VWF: variants seen among roughly 807,000 people sequenced by gnomAD.
VWF encodes Factor VIII related antigen.
Under a neutral mutation model 308.6 loss-of-function variants are expected in VWF, and 176 were observed. That is an observed-to-expected ratio of 0.57 (90% CI 0.50 to 0.65). VWF has a LOEUF of 0.65. Ranked by LOEUF, VWF falls within the 30% of genes least tolerant of loss-of-function variation. The pLI, the probability that VWF is intolerant of heterozygous loss-of-function variation, is 0.00. For synonymous variants in VWF, 1,385 were observed against 1,443.4 expected, an observed-to-expected ratio of 0.96 and a Z score of 0.92; for missense variants, 3,146 against 3,648.2, an observed-to-expected ratio of 0.86 and a Z score of 3.55.
At chr12:6,113,062 A>G (rs1192581079) in intron 3 of VWF, among the ~76,000 whole-genome samples, 1 of 152,184 alleles carries the variant, frequency 6.6e-6, no homozygotes, top group Non-Finnish European at 1.5e-5. Context: ...GACCACTCAC[A>G]GTCCATAAAC....
intron 17 of VWF, among the ~76,000 whole-genome samples, chr12:6,045,191 GT>G (rs1478943084): frequency 2.0e-5 from 3 of 152,178 alleles, no homozygotes; most frequent in African/African-American, 7.2e-5. Flanking sequence ...GGCTAATTGG[GT>G]AATACTGACA....
intron 5 of VWF, among the ~76,000 whole-genome samples, chr12:6,105,702 C>T (rs966481705): frequency 6.6e-6 from 1 of 151,910 alleles, no homozygotes; most frequent in African/African-American, 2.4e-5. Context: ...AATAGAATTG[C>T]CATTAGAAAT....
At chr12:6,074,548 G>A (rs1218784582) in intron 7 of VWF, among the ~76,000 whole-genome samples, 1 of 147,212 alleles carries the variant, frequency 6.8e-6, no homozygotes, top group Admixed American at 6.8e-5. Context: ...CCAGCTGCTA[G>A]CATCCTCCTT....
At chr12:6,089,774 C>G (rs1034933) in intron 6 of VWF, among the ~76,000 whole-genome samples, 115,643 of 151,924 alleles carry the variant, frequency 0.76, 44,917 homozygotes, top group African/African-American at 0.93. Context: ...ATCTTTGAAG[C>G]CATGTTTCAG....
intron 40 of VWF, among the ~76,000 whole-genome samples, chr12:5,983,880 C>G (rs1273202051): frequency 1.3e-5 from 2 of 150,304 alleles, no homozygotes; most frequent in Non-Finnish European, 1.5e-5. Context: ...ATGATAGATA[C>G]ATAGGATAGA....
At chr12:6,071,469 G>A in intron 9 of VWF, 126 bp from the exon 10 acceptor site, 1 of 1,060,572 alleles carries the variant, frequency 9.4e-7, no homozygotes, top group Non-Finnish European at 1.4e-6. Flanking sequence ...AAAAGAGCTG[G>A]TGCTAGCAGA....
In VWF at chr12:6,019,550, C is replaced by T. The variant is rs138900040; in HGVS notation, c.3868G>A (p.Glu1290Lys). The change falls in exon 28 of 52, where the codon GAG (glutamate) becomes AAG (lysine). Residue 1290 changes from glutamate to lysine, a missense_variant. Glu to Lys is a moderately conservative substitution (Grantham distance 56). This residue lies in a region of VWF where 853 missense variants were observed against 1,177.8 expected (regional missense o/e 0.72). Transcript: ENST00000261405. The surrounding 1 kb of genome is among the most constrained non-coding windows in gnomAD (Gnocchi z 5.8). Reference sequence around the variant, plus strand: ...GCCTTCAGCACTTCAAACTCAGCCTCGGACAGCCTGGAGGAGCCATCCAGC... The same window carrying T: ...GCCTTCAGCACTTCAAACTCAGCCTTGGACAGCCTGGAGGAGCCATCCAGC... Reference protein sequence around the residue: ...FLLDGSSRLSEAEFEVLKAFV... With the variant: ...FLLDGSSRLSKAEFEVLKAFV... 184 of 1,613,982 alleles carry T rather than the reference C, an allele frequency of 1.1e-4. No individual in the cohort carries two copies. In the African/African-American group the frequency reaches 2.2e-3, roughly 20 times the overall value.
chr12:6,123,023 A>C, intron 2 of VWF, 119 bp downstream of exon 2: 1 of 1,326,096 alleles, frequency 7.5e-7, no homozygotes, highest in South Asian at 1.2e-5. Context: ...GGCAACCAAC[A>C]GCCTAAGTTA....
chr12:6,078,770 C>A (rs1306119320), intron 6 of VWF, among the ~76,000 whole-genome samples: 1 of 152,152 alleles, frequency 6.6e-6, no homozygotes, highest in Non-Finnish European at 1.5e-5. Context: ...AATCCAGGCA[C>A]CCTCCCCTCT....
At chr12:6,066,064 G>T (rs1403708477) in intron 10 of VWF, among the ~76,000 whole-genome samples, 2 of 152,306 alleles carry the variant, frequency 1.3e-5, no homozygotes, top group East Asian at 3.9e-4. Flanking sequence ...TGTGGGTGGG[G>T]ACTAGGACTC....
Position 6,011,713 on chromosome 12 carries a change from G to A in VWF, c.5746C>T (p.Arg1916Trp), listed in dbSNP as rs775318319. Reference sequence around the variant, plus strand: ...CTCAGCCCCCGGTCACAGTTGACCCGATGACTCTTCAGCAAGGTCTGGCCA... The same window carrying A: ...CTCAGCCCCCGGTCACAGTTGACCCAATGACTCTTCAGCAAGGTCTGGCCA... ...PDGQTLLKSH[R>W]VNCDRGLRPS... The change falls in exon 34 of 52, where the codon CGG becomes TGG. Residue 1916 changes from arginine (R) to tryptophan (W), a missense_variant. Arg to Trp is a moderately radical substitution (Grantham distance 101). This residue lies in a region of VWF where 853 missense variants were observed against 1,177.8 expected (regional missense o/e 0.72). Coordinates refer to ENST00000261405, the MANE Select transcript of VWF (RefSeq NM_000552.5). The A allele has an allele frequency of 1.2e-5, 19 of 1,613,868 alleles. No individual in the cohort carries two copies. Among genetic ancestry groups the A allele is most frequent in the South Asian group, 7.7e-5 (7 of 91,038 alleles).
At chr12:5,970,805 T>C (rs1943464026) in intron 44 of VWF, among the ~76,000 whole-genome samples, 1 of 152,166 alleles carries the variant, frequency 6.6e-6, no homozygotes, top group African/African-American at 2.4e-5. Context: ...GCAAGGCCCA[T>C]ATGGGCAGTT....
intron 43 of VWF, among the ~76,000 whole-genome samples, 165 bp downstream of exon 43, chr12:5,975,946 G>A (rs2136363074): frequency 6.6e-6 from 1 of 152,084 alleles, no homozygotes; most frequent in South Asian, 2.1e-4. Context: ...AACCCGGGAG[G>A]CAGAGCTTGC....
intron 44 of VWF, among the ~76,000 whole-genome samples, chr12:5,970,548 G>T (rs574232950): frequency 1.3e-5 from 2 of 152,262 alleles, no homozygotes; most frequent in South Asian, 4.1e-4. Flanking sequence ...CTCCATCCAG[G>T]GCACATGGGA....
intron 43 of VWF, among the ~76,000 whole-genome samples, chr12:5,974,110 T>C (rs1193615914): frequency 1.3e-5 from 2 of 152,142 alleles, no homozygotes; most frequent in African/African-American, 2.4e-5. Context: ...AGACAACACA[T>C]GGACCGGCAT....
chr12:6,100,639 A>G (rs1310677349), intron 5 of VWF, among the ~76,000 whole-genome samples: 2 of 152,200 alleles, frequency 1.3e-5, no homozygotes, highest in Non-Finnish European at 2.9e-5. Context: ...AACTATTGCA[A>G]GGACAAAAAA....
chr12:6,088,477 T>TA lies in VWF; in HGVS notation c.657+6982dup, dbSNP rs533608912. ...CTGGGCGACAGAGCGAGACTCTGTC[T>TA]AAAAAAAAAAAAAAAGCGAGAGAGA... On this transcript the variant is annotated intron_variant, in intron 6 of 51. Transcript: ENST00000261405. Among the ~76,000 whole-genome samples, 255 of 110,974 alleles carry TA rather than the reference T, an allele frequency of 2.3e-3. 1 individual carries two copies. The highest frequency in any genetic ancestry group is 0.011 in the Middle Eastern group (2 of 178). The allele number at this position is 110,974 out of a possible 152,430, so 72.8% of individuals were successfully genotyped here.
intron 10 of VWF, among the ~76,000 whole-genome samples, chr12:6,066,274 G>A (rs1944712969): frequency 6.6e-6 from 1 of 152,232 alleles, no homozygotes; most frequent in African/African-American, 2.4e-5. Flanking sequence ...TGCCTGGCTT[G>A]AGGCAATCCC....
chr12:6,117,674 G>A (rs1591928432), intron 3 of VWF, among the ~76,000 whole-genome samples: 1 of 152,304 alleles, frequency 6.6e-6, no homozygotes, highest in South Asian at 2.1e-4. Flanking sequence ...AATTAGCAGG[G>A]TGTGGTGGCG....
Sources: gnomAD v4.1 joint callset for allele counts (sites outside exome capture counted in the v4.1 genomes callset) on GRCh38, gnomAD v4.1.1 for gene constraint, gnomAD v4.1.1 regional missense constraint, Gnocchi (gnomAD v3.1) non-coding constraint, MANE v1.5 for transcripts, NCBI Gene and HGNC (gene_info 2026-07-23, HGNC 2026-07-21) for gene names.